The following PLB1 variants were observed in gnomAD, a reference collection of about 807,000 sequenced individuals.
PLB1 encodes phospholipase B1, also known as phospholipase B1, membrane-associated.
Under a neutral mutation model 227.4 loss-of-function variants are expected in PLB1, and 242 were observed. The ratio of observed to expected loss-of-function variants is 1.06; its 90% CI spans 0.96 to 1.18. PLB1 has a LOEUF of 1.18. PLB1 is among the 50% of genes most tolerant of loss of function. The pLI is 0.00. For missense variants in PLB1, 1,858 were observed against 1,816.3 expected, an observed-to-expected ratio of 1.02 and a Z score of -0.42; for synonymous variants, 757 against 682.2, an observed-to-expected ratio of 1.11 and a Z score of -1.71.
rs536814169 is a variant in PLB1, at chr2:28,543,691, A to C, written c.936+423A>C. 9.2e-5 allele frequency among the ~76,000 whole-genome samples: 14 copies of C among 152,314 alleles called. 1 individual carries two copies. The East Asian group carries it at 2.3e-3, about 25-fold the overall frequency. On this transcript the variant is annotated intron_variant, in intron 14 of 57. Transcript: ENST00000327757. ...TGGAACAAGCGTGGGCTGCAGCGTG[A>C]TGAAGGCCTGGGTTGGAATGCTAAG...
At chr2:28,620,373 C>A in intron 47 of PLB1, 41 bp downstream of exon 47, 1 of 1,531,570 alleles carries the variant, frequency 6.5e-7, no homozygotes, top group Non-Finnish European at 8.9e-7. Context: ...ATGATGCTCT[C>A]TCAGAGAGGT....
chr2:28,570,438 T>G (rs1480399448), intron 20 of PLB1, among the ~76,000 whole-genome samples: 1 of 152,080 alleles, frequency 6.6e-6, no homozygotes, highest in Non-Finnish European at 1.5e-5. Flanking sequence ...CATGATCATC[T>G]CAATGGATCA....
intron 20 of PLB1, among the ~76,000 whole-genome samples, chr2:28,567,736 T>TA (rs1438098007): frequency 6.6e-6 from 1 of 152,174 alleles, no homozygotes; most frequent in East Asian, 1.9e-4. Context: ...CCTCCCAAAG[T>TA]GCTGGGATTA....
At chr2:28,551,781 G>C (rs1433979205) in intron 16 of PLB1, among the ~76,000 whole-genome samples, 4 of 152,326 alleles carry the variant, frequency 2.6e-5, no homozygotes, top group Non-Finnish European at 4.4e-5. Context: ...AAGTCAGTAA[G>C]TATAAAGCAC....
intron 1 of PLB1, among the ~76,000 whole-genome samples, chr2:28,507,921 C>T (rs1033377577): frequency 2.6e-5 from 4 of 152,150 alleles, no homozygotes; most frequent in African/African-American, 9.7e-5. Context: ...TTTTTGTAAT[C>T]AGACTAGAGG....
chr2:28,593,598 C>G, intron 32 of PLB1, 83 bp from the exon 33 acceptor site: 1 of 1,197,310 alleles, frequency 8.4e-7, no homozygotes, highest in Non-Finnish European at 1.2e-6. Flanking sequence ...TTGGGAACCC[C>G]CTCTTTGGAA....
intron 17 of PLB1, among the ~76,000 whole-genome samples, chr2:28,560,844 C>G (rs1675944692): frequency 6.6e-6 from 1 of 152,194 alleles, no homozygotes; most frequent in Non-Finnish European, 1.5e-5. Context: ...GTGGCCCTAA[C>G]CTACCTTTCC....
chr2:28,593,961 T>TTTTTTTTTCA, intron 33 of PLB1: 1 of 739,554 alleles, frequency 1.4e-6, no homozygotes, highest in Admixed American at 1.9e-5. Flanking sequence ...TTTTTTTTTT[T>TTTTTTTTTCA]GATTGTGCAG....
chr2:28,619,401 G>A (rs1288084604), intron 46 of PLB1, among the ~76,000 whole-genome samples: 1 of 152,194 alleles, frequency 6.6e-6, no homozygotes, highest in Non-Finnish European at 1.5e-5. Flanking sequence ...ATTTGCATGT[G>A]GGTGAGGAGG....
intron 53 of PLB1, 76 bp from the exon 54 acceptor site, chr2:28,630,510 T>C (rs6731155): frequency 0.34 from 455,291 of 1,327,522 alleles, 78,471 homozygotes; most frequent in Non-Finnish European, 0.36. Context: ...CTGCTCTGTG[T>C]GTCAGAGCCA....
chr2:28,617,164 G>A (rs1686309897), intron 44 of PLB1, among the ~76,000 whole-genome samples: 1 of 152,144 alleles, frequency 6.6e-6, no homozygotes, highest in South Asian at 2.1e-4. Context: ...AAGGAATAAG[G>A]CTGTTAAGTT....
intron 1 of PLB1, among the ~76,000 whole-genome samples, chr2:28,504,416 A>G (rs1170407704): frequency 6.6e-6 from 1 of 152,172 alleles, no homozygotes; most frequent in Non-Finnish European, 1.5e-5. Flanking sequence ...GATTCCCATA[A>G]AAACTTCAAG....
chr2:28,550,058 C>T lies in PLB1; in HGVS notation c.1057C>T (p.Leu353=). 1 of 1,613,280 alleles carries T rather than the reference C, an allele frequency of 6.2e-7. No individual in the cohort carries two copies. The change falls in exon 16 of 58, where the codon CTG becomes TTG. Residue 353 remains leucine (L), a synonymous_variant. Transcript: ENST00000327757. ...SYRNSNYLTR[L]QKPQDKLEVR... is the part of the protein sequence containing the mutation. ...CAGAAACAGCAACTACCTGACCAGA[C>T]TGCAGAAACCCCAAGACAAGCTTGA...
intron 18 of PLB1, 146 bp from the exon 19 acceptor site, chr2:28,565,134 G>A (rs1676663917): frequency 7.9e-6 from 5 of 634,534 alleles, no homozygotes; most frequent in African/African-American, 3.6e-5. Context: ...GGATACATAT[G>A]GAGACATGGT....
At chr2:28,529,055 C>G (rs1193786032) in intron 6 of PLB1, among the ~76,000 whole-genome samples, 2 of 151,528 alleles carry the variant, frequency 1.3e-5, no homozygotes, top group African/African-American at 2.4e-5. Context: ...TCAAGCCATC[C>G]TCCTGCCTCA....
At chr2:28,550,532 T>C (rs1189963174) in intron 16 of PLB1, among the ~76,000 whole-genome samples, 1 of 150,876 alleles carries the variant, frequency 6.6e-6, no homozygotes, top group East Asian at 2.0e-4. Flanking sequence ...ACAATTTTTT[T>C]TTTTTTTTTT....
At chr2:28,618,215 G>T in intron 45 of PLB1, 126 bp from the exon 46 acceptor site, 1 of 917,374 alleles carries the variant, frequency 1.1e-6, no homozygotes, top group Non-Finnish European at 1.7e-6. Flanking sequence ...AACTGCTAAA[G>T]CCTTAAGCTG....
rs139686924 is a variant in PLB1, at chr2:28,557,272, C to T, written c.1147+4281C>T. Among the ~76,000 whole-genome samples, 241 of 152,220 alleles carry T rather than the reference C, an allele frequency of 1.6e-3. 6 individuals are homozygous for T. In the East Asian group the frequency reaches 0.042, roughly 26 times the overall value. ...ACTTAGCCTTTAATTCCAGTTAACA[C>T]GTTTCTTGAGCTCCTCTGTGGAAGG... On this transcript the variant is annotated intron_variant, in intron 17 of 57. Coordinates refer to ENST00000327757, the MANE Select transcript of PLB1 (RefSeq NM_153021.5).
intron 17 of PLB1, among the ~76,000 whole-genome samples, chr2:28,557,071 C>G (rs920981733): frequency 1.3e-5 from 2 of 152,090 alleles, no homozygotes; most frequent in African/African-American, 4.8e-5. Context: ...ACTTGACCTA[C>G]CCTATCATCA....
Sources: allele counts gnomAD v4.1 joint callset (sites outside exome capture counted in the v4.1 genomes callset), GRCh38; gene constraint gnomAD v4.1.1; transcripts MANE v1.5; gene names NCBI Gene and HGNC (gene_info 2026-07-23, HGNC 2026-07-21).